Variants in ANO3 observed in about 807,000 individuals in gnomAD.
ANO3 encodes anoctamin-3.
In ANO3, 99 loss-of-function variants were observed where a neutral mutation model predicts 144.8. That is an observed-to-expected ratio of 0.68 (90% CI 0.58 to 0.81). ANO3 has a LOEUF of 0.81. Among genes scored for constraint, ANO3 ranks in the 30% least tolerant of loss-of-function variants. The pLI, the probability that ANO3 is intolerant of heterozygous loss-of-function variation, is 0.00. For synonymous variants in ANO3, 414 were observed against 392.6 expected (o/e 1.05, Z -0.64); for missense variants, 905 against 1,202.2 (o/e 0.75, Z 3.66).
intron 14 of ANO3, among the ~76,000 whole-genome samples, chr11:26,595,837 G>A (rs1851611094): frequency 6.6e-6 from 1 of 151,898 alleles, no homozygotes; most frequent in Non-Finnish European, 1.5e-5. Flanking sequence ...TGCTTTTTTT[G>A]ATTTAGGATA....
upstream of ANO3, among the ~76,000 whole-genome samples, chr11:26,329,319 CACACACACAGAG>C (rs780179765): frequency 4.0e-5 from 3 of 74,094 alleles, no homozygotes; most frequent in Non-Finnish European, 1.0e-4. Context: ...CACACACACA[CACACACACAGAG>C]AGAGAGAGAG....
chr11:26,207,068 G>A (rs899278559), intron 1 of ANO3, among the ~76,000 whole-genome samples: 2 of 152,100 alleles, frequency 1.3e-5, no homozygotes, highest in African/African-American at 2.4e-5. Context: ...GAAGGGATTA[G>A]TCAAAGGATA....
chr11:26,386,545 T>C (rs936033087), intron 1 of ANO3, among the ~76,000 whole-genome samples: 8 of 152,182 alleles, frequency 5.3e-5, no homozygotes, highest in African/African-American at 1.9e-4. Context: ...GACCAGGTAA[T>C]GTATATTCGC....
At chr11:26,337,939 GA>G (rs541308375) in intron 1 of ANO3, among the ~76,000 whole-genome samples, 13 of 148,668 alleles carry the variant, frequency 8.7e-5, no homozygotes, top group South Asian at 4.3e-4. Context: ...AGTCTCAAAA[GA>G]AAAAAAAAAT....
chr11:26,224,341 G>A (rs1279929801), intron 1 of ANO3, among the ~76,000 whole-genome samples: 1 of 152,212 alleles, frequency 6.6e-6, no homozygotes, highest in Admixed American at 6.5e-5. Context: ...TGTCTGCCAG[G>A]CAGTCCACAT....
At chr11:26,363,124 T>A (rs1182371259) in intron 1 of ANO3, among the ~76,000 whole-genome samples, 3 of 151,864 alleles carry the variant, frequency 2.0e-5, no homozygotes, top group Admixed American at 1.3e-4. Context: ...ATTTTACAGA[T>A]TTTTTTAGTT....
chr11:26,256,212 A>G (rs1853053226), intron 1 of ANO3, among the ~76,000 whole-genome samples: 2 of 152,138 alleles, frequency 1.3e-5, no homozygotes, highest in African/African-American at 4.8e-5. Context: ...ATGTCTTAGC[A>G]CTTCAAGATT....
At chr11:26,248,658 T>C (rs1172923499) in intron 1 of ANO3, among the ~76,000 whole-genome samples, 1 of 152,240 alleles carries the variant, frequency 6.6e-6, no homozygotes. Context: ...TCAGACACAA[T>C]GATTCTGCTG....
intron 19 of ANO3, among the ~76,000 whole-genome samples, chr11:26,634,798 G>T (rs565850873): frequency 6.6e-6 from 1 of 152,222 alleles, no homozygotes; most frequent in Non-Finnish European, 1.5e-5. Flanking sequence ...TCATCCAGTT[G>T]GTTTGTCTGT....
At position 26,220,040 on chromosome 11, in the gene ANO3, CTACCAAAGAAT is replaced by C. The variant is rs1319134561; in HGVS notation, c.154+30714_154+30724del. 2.0e-5 allele frequency among the ~76,000 whole-genome samples: 3 copies of C among 152,284 alleles called. No homozygotes were observed. The East Asian group carries it at 5.8e-4, about 29-fold the overall frequency. On this transcript the variant is annotated intron_variant, in intron 1 of 27. Transcript: ENST00000672621. ...CAGGATATTGCATTCTCAATCCATT[CTACCAAAGAAT>C]TACAAGCAATAGGGAGAAGAGGAAG... is the stretch of plus-strand genomic sequence containing the variant.
chr11:26,614,723 C>T (rs1254102705), intron 17 of ANO3, among the ~76,000 whole-genome samples: 1 of 152,070 alleles, frequency 6.6e-6, no homozygotes, highest in Admixed American at 6.6e-5. Flanking sequence ...TATGTTTTCT[C>T]CATAGGAAGA....
intron 1 of ANO3, among the ~76,000 whole-genome samples, chr11:26,235,641 G>A (rs77474589): frequency 0.015 from 2,276 of 149,660 alleles, 47 homozygotes; most frequent in East Asian, 0.12. Flanking sequence ...GAATCTAAAG[G>A]TTCAACAGTT....
chr11:26,239,019 T>A (rs1261494824), intron 1 of ANO3, among the ~76,000 whole-genome samples: 1 of 145,064 alleles, frequency 6.9e-6, no homozygotes, highest in East Asian at 2.0e-4. Context: ...TTATGAATTA[T>A]GTAATCTAAA....
intron 1 of ANO3, among the ~76,000 whole-genome samples, chr11:26,238,046 A>G (rs1220093580): frequency 6.6e-6 from 1 of 152,124 alleles, no homozygotes; most frequent in Non-Finnish European, 1.5e-5. Context: ...CAAAGTTTCT[A>G]AGTTAAAACA....
chr11:26,299,732 G>A (rs2133861505), intron 1 of ANO3, among the ~76,000 whole-genome samples: 1 of 152,252 alleles, frequency 6.6e-6, no homozygotes, highest in East Asian at 1.9e-4. Flanking sequence ...TTATTGGGCT[G>A]CTGTCCTGAA....
chr11:26,246,283 A>G (rs1379817069), intron 1 of ANO3, among the ~76,000 whole-genome samples: 1 of 151,992 alleles, frequency 6.6e-6, no homozygotes, highest in East Asian at 1.9e-4. Flanking sequence ...CGGAAAATAT[A>G]TTTTCAATTA....
chr11:26,428,698 A>T (rs77736853), intron 1 of ANO3, among the ~76,000 whole-genome samples: 1 of 150,682 alleles, frequency 6.6e-6, no homozygotes, highest in African/African-American at 2.4e-5. Flanking sequence ...ACAAAATCAG[A>T]TGAAGAAACA....
chr11:26,624,530 T>C (rs1333585570), intron 18 of ANO3, 32 bp downstream of exon 18: 23 of 1,538,104 alleles, frequency 1.5e-5, no homozygotes, highest in Non-Finnish European at 2.0e-5. Context: ...CACTCCTTAG[T>C]CAGAAAATAA....
At chr11:26,658,057 A>T (rs1296999181) in intron 26 of ANO3, among the ~76,000 whole-genome samples, 2 of 152,074 alleles carry the variant, frequency 1.3e-5, no homozygotes, top group Non-Finnish European at 2.9e-5. Context: ...TCTATGTCCT[A>T]AAGCATTTCC....
Sources: gnomAD v4.1 joint callset for allele counts (sites outside exome capture counted in the v4.1 genomes callset) on GRCh38, gnomAD v4.1.1 for gene constraint, MANE v1.5 for transcripts, NCBI Gene and HGNC (gene_info 2026-07-23, HGNC 2026-07-21) for gene names.